The following WDR27 variants were observed in gnomAD, a reference collection of about 807,000 sequenced individuals.
The protein encoded by WDR27 is WD repeat domain 27, also known as WD repeat-containing protein 27.
WDR27 carries 100 observed loss-of-function variants against 114.4 expected under a neutral mutation model. The ratio of observed to expected loss-of-function variants is 0.87; its 90% CI spans 0.74 to 1.03. The LOEUF is 1.03. Among genes scored for constraint, WDR27 ranks in the 50% least tolerant of loss-of-function variants. The pLI is 0.00. For synonymous variants in WDR27, 449 were observed against 423.1 expected (o/e 1.06, Z -0.75); for missense variants, 1,129 against 1,092.9 (o/e 1.03, Z -0.47).
At chr6:169,434,303 T>C in the WDR27 span, among the ~76,000 whole-genome samples, 1 of 152,230 alleles carries the variant, frequency 6.6e-6, no homozygotes, top group African/African-American at 2.4e-5. Flanking sequence ...GTTTTCTGCA[T>C]ATGGCTAGCC....
chr6:169,604,932 T>G (rs1200025846), intron 22 of WDR27, among the ~76,000 whole-genome samples: 1 of 151,712 alleles, frequency 6.6e-6, no homozygotes, highest in Non-Finnish European at 1.5e-5. Context: ...AAACTAAGCA[T>G]TGAAGGAACA....
At chr6:169,437,262 GTT>G in the WDR27 span, among the ~76,000 whole-genome samples, 1 of 148,796 alleles carries the variant, frequency 6.7e-6, no homozygotes, top group African/African-American at 2.4e-5. Flanking sequence ...GAAATTGTTT[GTT>G]TTTCTAATAA....
At chr6:169,523,761 T>C (rs1369605844) in intron 25 of WDR27, among the ~76,000 whole-genome samples, 1 of 151,970 alleles carries the variant, frequency 6.6e-6, no homozygotes, top group Non-Finnish European at 1.5e-5. Context: ...AAAAAAACCC[T>C]CAACAAACTA....
the WDR27 span, among the ~76,000 whole-genome samples, chr6:169,427,452 A>G: frequency 6.6e-6 from 1 of 152,146 alleles, no homozygotes; most frequent in South Asian, 2.1e-4. Context: ...CCCCCATCTT[A>G]GAAACTGAAA....
chr6:169,571,518 A>C (rs1350676786), intron 25 of WDR27, among the ~76,000 whole-genome samples: 1 of 152,156 alleles, frequency 6.6e-6, no homozygotes, highest in Non-Finnish European at 1.5e-5. Context: ...CACATTCAAC[A>C]CCCAGCAACC....
rs550814148 is a variant in WDR27 at position 169,594,050 on chromosome 6, G to A, written c.2424+8169C>T. ...CATTTATTTTTTCCCTTTTAAAAAC[G>A]TCTGTGATATAGGTATTTGGTGCTA... On this transcript the variant is annotated intron_variant, in intron 23 of 25. Transcript: ENST00000448612. 6.2e-4 allele frequency among the ~76,000 whole-genome samples: 95 copies of A among 152,102 alleles called. 1 individual carries two copies. The highest frequency in any genetic ancestry group is 6.5e-4 in the Non-Finnish European group (44 of 67,998).
At chr6:169,652,124 C>A (rs997017690) in intron 13 of WDR27, 116 bp from the exon 14 acceptor site, 20 of 873,170 alleles carry the variant, frequency 2.3e-5, no homozygotes, top group Non-Finnish European at 2.1e-5. Flanking sequence ...AGAATGAATT[C>A]CTGACCATAA....
At chr6:169,508,042 G>C (rs1370761935) in intron 25 of WDR27, among the ~76,000 whole-genome samples, 3 of 152,172 alleles carry the variant, frequency 2.0e-5, no homozygotes, top group Admixed American at 1.3e-4. Flanking sequence ...CATGCTTTTA[G>C]GGCACAGCAG....
chr6:169,452,106 T>G, the WDR27 span, among the ~76,000 whole-genome samples: 1 of 152,258 alleles, frequency 6.6e-6, no homozygotes, highest in East Asian at 1.9e-4. Flanking sequence ...TGCATGGATT[T>G]GTTCCACATC....
intron 25 of WDR27, among the ~76,000 whole-genome samples, chr6:169,525,189 C>A (rs1211242123): frequency 2.0e-5 from 3 of 152,014 alleles, no homozygotes; most frequent in Non-Finnish European, 1.5e-5. Context: ...TATCACTTAT[C>A]ATCAGATAAA....
At position 169,486,281 on chromosome 6, in the gene WDR27, A is replaced by G. The variant is rs910278767; in HGVS notation, c.2646-28647T>C. Reference sequence around the variant, plus strand: ...AGCCACTGTGGAAAGCAGTCTGGAGATTTCTCAAAGGACTTAAAAGAGAGC... The same window carrying G: ...AGCCACTGTGGAAAGCAGTCTGGAGGTTTCTCAAAGGACTTAAAAGAGAGC... On this transcript the variant is annotated intron_variant, in intron 25 of 25. Transcript: ENST00000448612. Among the ~76,000 whole-genome samples the G allele has an allele frequency of 2.0e-5, 3 of 151,882 alleles. No homozygotes were observed. The South Asian group carries it at 6.2e-4, about 32-fold the overall frequency.
At chr6:169,667,278 A>G (rs759256554) in intron 5 of WDR27, 91 bp from the exon 6 acceptor site, 4 of 1,308,626 alleles carry the variant, frequency 3.1e-6, no homozygotes, top group Non-Finnish European at 3.9e-6. Flanking sequence ...CTATCAGATT[A>G]GTCAACACAA....
chr6:169,485,072 A>C (rs929892033), intron 25 of WDR27, among the ~76,000 whole-genome samples: 1 of 152,224 alleles, frequency 6.6e-6, no homozygotes, highest in African/African-American at 2.4e-5. Context: ...AAAACCCTGG[A>C]ATATAACCTA....
rs1056774189 is a variant in WDR27 at position 169,593,757 on chromosome 6, G to A, written c.2424+8462C>T. Among the ~76,000 whole-genome samples, 66 of 152,230 alleles carry A rather than the reference G, an allele frequency of 4.3e-4. 1 individual carries two copies. The highest frequency in any genetic ancestry group is 9.7e-4 in the Non-Finnish European group (66 of 68,012). On this transcript the variant is annotated intron_variant, in intron 23 of 25. Transcript: ENST00000448612. ...CCAGCTACTCAGGAGGCTGAGGCAGGAGAACCTCTTGAACCCGGGAGGCGG... is the reference window on the plus strand; with the variant it reads ...CCAGCTACTCAGGAGGCTGAGGCAGAAGAACCTCTTGAACCCGGGAGGCGG...
chr6:169,636,571 A>G (rs949028825), intron 18 of WDR27, 67 bp from the exon 19 acceptor site: 16 of 1,455,410 alleles, frequency 1.1e-5, no homozygotes, highest in Non-Finnish European at 1.0e-5. Context: ...TGCTCTAAAC[A>G]TAAAATTATT....
chr6:169,694,169 G>T (rs997912537), intron 1 of WDR27, among the ~76,000 whole-genome samples: 1 of 152,084 alleles, frequency 6.6e-6, no homozygotes, highest in East Asian at 1.9e-4. Flanking sequence ...TTAGCCGGGC[G>T]TGGTGGCAGA....
the WDR27 span, among the ~76,000 whole-genome samples, chr6:169,449,508 G>A: frequency 1.3e-5 from 2 of 152,114 alleles, no homozygotes; most frequent in African/African-American, 4.8e-5. Flanking sequence ...GGCAAGCAGA[G>A]GGCCTTAGCA....
At chr6:169,473,634 T>C (rs1786734141) in intron 25 of WDR27, among the ~76,000 whole-genome samples, 1 of 152,040 alleles carries the variant, frequency 6.6e-6, no homozygotes, top group South Asian at 2.1e-4. Flanking sequence ...TTTTATTATA[T>C]GGTTATTAGA....
At chr6:169,617,435 G>A (rs1237587797) in intron 21 of WDR27, among the ~76,000 whole-genome samples, 1 of 152,196 alleles carries the variant, frequency 6.6e-6, no homozygotes, top group Admixed American at 6.5e-5. Flanking sequence ...GAGTGCAATG[G>A]CACGATCTCA....
Sources: gnomAD v4.1 joint callset for allele counts (sites outside exome capture counted in the v4.1 genomes callset) on GRCh38, gnomAD v4.1.1 for gene constraint, MANE v1.5 for transcripts, NCBI Gene and HGNC (gene_info 2026-07-23, HGNC 2026-07-21) for gene names.